GDPD5: variants seen among roughly 807,000 people sequenced by gnomAD.
GDPD5 encodes the protein glycerophosphodiester phosphodiesterase domain containing 5.
GDPD5 carries 48 observed loss-of-function variants against 75.1 expected under a neutral mutation model. The ratio of observed to expected loss-of-function variants is 0.64; its 90% confidence interval spans 0.51 to 0.81. GDPD5 has a LOEUF of 0.81. GDPD5 is among the 40% of genes least tolerant of loss of function. The probability of loss-of-function intolerance (pLI) is 0.00; values close to 1 mark genes in which losing one functional copy is unlikely to be tolerated. For synonymous variants in GDPD5, 336 were observed against 339.0 expected (o/e 0.99, Z 0.10); for missense variants, 706 against 822.6 (o/e 0.86, Z 1.73).
intron 1 of GDPD5, among the ~76,000 whole-genome samples, chr11:75,491,357 G>A (rs1338620565): frequency 1.3e-5 from 2 of 152,222 alleles, no homozygotes; most frequent in African/African-American, 2.4e-5. Flanking sequence ...TAAGGCCTAA[G>A]TGGCAGAGGA....
At chr11:75,436,741 G>T (rs1948636431) in intron 16 of GDPD5, among the ~76,000 whole-genome samples, 195 bp downstream of exon 16, 1 of 152,194 alleles carries the variant, frequency 6.6e-6, no homozygotes, top group South Asian at 2.1e-4. Context: ...GTGTGTGGGG[G>T]TGTGTGTTTT....
intron 1 of GDPD5, among the ~76,000 whole-genome samples, chr11:75,492,196 A>C (rs1458695798): frequency 6.6e-6 from 1 of 152,196 alleles, no homozygotes; most frequent in East Asian, 1.9e-4. Flanking sequence ...CATCCTGCCC[A>C]ATAGGCTGGG....
At chr11:75,465,903 G>C (rs900899580) in intron 3 of GDPD5, among the ~76,000 whole-genome samples, 1 of 152,260 alleles carries the variant, frequency 6.6e-6, no homozygotes. Flanking sequence ...ACCTGTGACC[G>C]GGGTGATGCA....
chr11:75,450,254 G>C (rs1271137350), intron 6 of GDPD5: 8 of 559,632 alleles, frequency 1.4e-5, no homozygotes, highest in African/African-American at 1.3e-4. Context: ...GGAGGATGGG[G>C]ACAGGAGGAG....
intron 1 of GDPD5, among the ~76,000 whole-genome samples, chr11:75,523,166 C>G (rs1374021917): frequency 6.6e-6 from 1 of 152,220 alleles, no homozygotes; most frequent in Non-Finnish European, 1.5e-5. Flanking sequence ...ATCCTCGCAA[C>G]AACCTGCTAA....
At chr11:75,457,648 C>G in intron 5 of GDPD5, 45 bp downstream of exon 5, 1 of 1,531,744 alleles carries the variant, frequency 6.5e-7, no homozygotes, top group South Asian at 1.1e-5. Context: ...AGTATCCCTT[C>G]CCCTGGGAGC....
chr11:75,480,961 GC>G (rs1565205580), intron 2 of GDPD5, among the ~76,000 whole-genome samples: 1 of 152,204 alleles, frequency 6.6e-6, no homozygotes, highest in African/African-American at 2.4e-5. Context: ...TTGAGTAGTT[GC>G]CACAGAGACC....
intron 9 of GDPD5, chr11:75,448,506 A>C (rs488305): frequency 0.62 from 609,424 of 985,584 alleles, 192,348 homozygotes; most frequent in East Asian, 0.8. Flanking sequence ...GCTCTCCTGC[A>C]GGGCTATGGA....
intron 3 of GDPD5, 29 bp from the exon 4 acceptor site, chr11:75,462,918 G>A (rs1949445073): frequency 3.2e-6 from 5 of 1,579,724 alleles, no homozygotes; most frequent in Non-Finnish European, 3.5e-6. Flanking sequence ...AGGGGATTAA[G>A]TGGGTCAGGG....
chr11:75,481,352 G>A (rs773513425), intron 2 of GDPD5, among the ~76,000 whole-genome samples: 64 of 152,350 alleles, frequency 4.2e-4, no homozygotes, highest in Non-Finnish European at 6.6e-4. Context: ...GGAGATTACA[G>A]CCTGCAGTCT....
chr11:75,491,910 T>TC (rs1950116088), intron 1 of GDPD5, among the ~76,000 whole-genome samples: 1 of 151,694 alleles, frequency 6.6e-6, no homozygotes, highest in Non-Finnish European at 1.5e-5. Context: ...ATCAAGCCCC[T>TC]CCCCCCATTA....
chr11:75,491,007 G>T (rs1592132297), intron 1 of GDPD5, among the ~76,000 whole-genome samples: 1 of 152,320 alleles, frequency 6.6e-6, no homozygotes, highest in East Asian at 1.9e-4. Context: ...GGACACTGAG[G>T]CTGCAAGGAC....
At chr11:75,509,971 C>T (rs900416391) in intron 1 of GDPD5, among the ~76,000 whole-genome samples, 4 of 152,252 alleles carry the variant, frequency 2.6e-5, no homozygotes, top group African/African-American at 9.6e-5. Context: ...TGAGCTACCA[C>T]ACCTGGCTGC....
intron 1 of GDPD5, among the ~76,000 whole-genome samples, chr11:75,512,226 A>C (rs1012626399): frequency 6.7e-6 from 1 of 148,638 alleles, no homozygotes; most frequent in Non-Finnish European, 1.5e-5. Context: ...AATTCTAGTA[A>C]GGTCAATTGT....
chr11:75,456,766 C>G lies in GDPD5; in HGVS notation c.366G>C (p.Trp122Cys), dbSNP rs143988419. ...CCGAGGCGGCCCTTACCTTGTGCAG[C>G]CAGTGCAGGTTCATCTGCTGCCCCA... ...IAVGQQMNLH[W>C]LHKIGLVVIL... Residue 122 changes from tryptophan to cysteine, a missense_variant, in exon 6 of 17, where the codon TGG becomes TGC. Trp to Cys is a radical substitution (Grantham distance 215). Coordinates refer to ENST00000336898, the MANE Select transcript of GDPD5 (RefSeq NM_030792.8). 6.2e-6 allele frequency: 10 copies of G among 1,614,228 alleles called. No individual in the cohort carries two copies. The highest frequency in any genetic ancestry group is 2.2e-5 in the South Asian group (2 of 91,086).
rs757811407 is a variant in GDPD5, at chr11:75,442,542, C to T, written c.988G>A (p.Asp330Asn). ...FWTASSLSPS[D>N]HREAQNQSIC... ...GACTGGTTCTGGGCCTCTCTGTGGT[C>T]GGAGGGTGACAGGGAGCTGGCTGTC... The change falls in exon 12 of 17, where the codon GAC (aspartate) becomes AAC (asparagine). Residue 330 changes from aspartate (D) to asparagine (N), a missense_variant. Physicochemically the swap from Asp to Asn is conservative, Grantham distance 23. Transcript: ENST00000336898. 17 of 1,614,096 alleles carry T rather than the reference C, an allele frequency of 1.1e-5. No homozygotes were observed. Among genetic ancestry groups the T allele is most frequent in the East Asian group, 2.2e-5 (1 of 44,870 alleles).
intron 1 of GDPD5, among the ~76,000 whole-genome samples, chr11:75,520,168 C>G (rs919598676): frequency 6.6e-6 from 1 of 152,228 alleles, no homozygotes; most frequent in African/African-American, 2.4e-5. Flanking sequence ...TCCCTGCCAT[C>G]TGGCACGCCC....
intron 6 of GDPD5, chr11:75,452,136 G>A (rs1467193656): frequency 1.3e-5 from 2 of 152,274 alleles, no homozygotes; most frequent in African/African-American, 2.4e-5. Flanking sequence ...CCGAGAGGAG[G>A]TGGAACCCCG....
chr11:75,459,664 G>T (rs1351874994), intron 4 of GDPD5, among the ~76,000 whole-genome samples: 2 of 152,084 alleles, frequency 1.3e-5, no homozygotes, highest in Non-Finnish European at 2.9e-5. Flanking sequence ...CAAAAAATTA[G>T]CCAGGAGTGG....
Sources: gnomAD v4.1 joint callset for allele counts (sites outside exome capture counted in the v4.1 genomes callset) on GRCh38, gnomAD v4.1.1 for gene constraint, MANE v1.5 for transcripts, NCBI Gene and HGNC (gene_info 2026-07-23, HGNC 2026-07-21) for gene names.